The following TASP1 variants were observed in gnomAD, a reference collection of about 807,000 sequenced individuals.
TASP1 encodes the protein taspase 1, also known as threonine aspartase 1.
A neutral mutation model predicts 56.6 loss-of-function variants in TASP1; 16 were observed. The observed-to-expected ratio is 0.28, with a 90% CI of 0.19 to 0.43. The LOEUF (loss-of-function observed/expected upper bound fraction) is 0.43, where lower values mean the gene tolerates loss of function less well. Among genes scored for constraint, TASP1 ranks in the 20% least tolerant of loss-of-function variants. The pLI is 1.00. For missense variants in TASP1, 393 were observed against 511.6 expected, an observed-to-expected ratio of 0.77 and a Z score of 2.24; for synonymous variants, 179 against 184.2, an observed-to-expected ratio of 0.97 and a Z score of 0.23.
intron 12 of TASP1, among the ~76,000 whole-genome samples, chr20:13,423,018 ATATT>A (rs1234997724): frequency 5.3e-5 from 8 of 152,236 alleles, no homozygotes; most frequent in African/African-American, 1.7e-4. Flanking sequence ...CTATTTCTAG[ATATT>A]TATTCCACAG....
chr20:13,304,348 T>C, the TASP1 span, among the ~76,000 whole-genome samples: 1 of 152,086 alleles, frequency 6.6e-6, no homozygotes, highest in Non-Finnish European at 1.5e-5. Context: ...GGAATCAAAG[T>C]GGGCGGTCAT....
At chr20:13,291,050 C>T in the TASP1 span, among the ~76,000 whole-genome samples, 2 of 152,222 alleles carry the variant, frequency 1.3e-5, no homozygotes, top group Non-Finnish European at 2.9e-5. Context: ...TGGGGGCTTT[C>T]CTGTTGTTTT....
At chr20:13,400,771 T>C (rs1416570824) in intron 13 of TASP1, among the ~76,000 whole-genome samples, 1 of 152,226 alleles carries the variant, frequency 6.6e-6, no homozygotes, top group Non-Finnish European at 1.5e-5. Flanking sequence ...AATTAGTGAA[T>C]ACTAAAATGT....
At chr20:13,324,984 C>T in the TASP1 span, among the ~76,000 whole-genome samples, 3 of 152,200 alleles carry the variant, frequency 2.0e-5, no homozygotes, top group African/African-American at 2.4e-5. Flanking sequence ...TGTTTCTTTT[C>T]GGCTTCTTAT....
In TASP1 at chr20:13,513,861, C is replaced by A. The variant is rs146200317; in HGVS notation, c.874+14572G>T. Among the ~76,000 whole-genome samples the A allele has an allele frequency of 3.2e-4, 48 of 152,124 alleles. No homozygotes were observed. In the East Asian group the frequency reaches 8.9e-3, roughly 28 times the overall value. On this transcript the variant is annotated intron_variant, in intron 10 of 13. Coordinates refer to ENST00000337743, the MANE Select transcript of TASP1 (RefSeq NM_017714.3). Reference sequence around the variant, plus strand: ...TGATATGAAAAGCTACAAAGAAAGACCTGCTACTAAGATGAAGAATAAAAT... The same window carrying A: ...TGATATGAAAAGCTACAAAGAAAGAACTGCTACTAAGATGAAGAATAAAAT...
chr20:13,201,048 G>A, the TASP1 span, among the ~76,000 whole-genome samples: 1 of 152,192 alleles, frequency 6.6e-6, no homozygotes, highest in African/African-American at 2.4e-5. Flanking sequence ...CTGAATGACA[G>A]TCTCCAATGC....
the TASP1 span, among the ~76,000 whole-genome samples, chr20:13,163,897 C>CT: frequency 1.3e-5 from 2 of 152,048 alleles, no homozygotes; most frequent in East Asian, 1.9e-4. Flanking sequence ...TGAAAATGAC[C>CT]TTTTTTTTAT....
At chr20:13,311,588 G>A in the TASP1 span, among the ~76,000 whole-genome samples, 12 of 152,312 alleles carry the variant, frequency 7.9e-5, no homozygotes, top group East Asian at 2.3e-3. Flanking sequence ...TTCACATTAT[G>A]AGATGCTAGT....
chr20:13,582,174 A>G (rs2047151427), intron 5 of TASP1, among the ~76,000 whole-genome samples: 1 of 151,816 alleles, frequency 6.6e-6, no homozygotes, highest in South Asian at 2.1e-4. Context: ...CTAGTTCTTA[A>G]AACAATATAG....
chr20:13,221,820 TG>T, the TASP1 span: 1 of 1,458,718 alleles, frequency 6.9e-7, no homozygotes, highest in Non-Finnish European at 9.0e-7. Flanking sequence ...CTGGGGCTGC[TG>T]CTGCTCACGC....
At chr20:13,613,388 G>C in intron 4 of TASP1, among the ~76,000 whole-genome samples, 1 of 152,076 alleles carries the variant, frequency 6.6e-6, no homozygotes, top group Non-Finnish European at 1.5e-5. Context: ...ATGTGAATAT[G>C]AACGTGTTGT....
At chr20:13,395,789 C>T (rs1399531210) in intron 13 of TASP1, among the ~76,000 whole-genome samples, 1 of 151,772 alleles carries the variant, frequency 6.6e-6, no homozygotes, top group African/African-American at 2.4e-5. Flanking sequence ...GCAACCTCCA[C>T]CCACCAGGTT....
At chr20:13,274,674 C>G in the TASP1 span, among the ~76,000 whole-genome samples, 5 of 151,834 alleles carry the variant, frequency 3.3e-5, no homozygotes, top group Non-Finnish European at 5.9e-5. Context: ...CTCCCCGCCC[C>G]CCCCGCGCCC....
chr20:13,479,167 G>T (rs2043045790), intron 11 of TASP1, among the ~76,000 whole-genome samples: 1 of 152,092 alleles, frequency 6.6e-6, no homozygotes, highest in Non-Finnish European at 1.5e-5. Context: ...GGAGAAATGA[G>T]ACTCAGAATG....
chr20:13,583,161 C>T (rs1221665158), intron 5 of TASP1, among the ~76,000 whole-genome samples: 1 of 152,194 alleles, frequency 6.6e-6, no homozygotes, highest in Non-Finnish European at 1.5e-5. Context: ...AGCAAGTGTT[C>T]CACGGGGTGC....
the TASP1 span, among the ~76,000 whole-genome samples, chr20:13,347,841 C>CA: frequency 0.036 from 3,697 of 101,680 alleles, 37 homozygotes; most frequent in Non-Finnish European, 0.044. Flanking sequence ...GACTTTGTCT[C>CA]AAAAAAAAAA....
the TASP1 span, among the ~76,000 whole-genome samples, chr20:13,361,885 T>C: frequency 3.6e-4 from 55 of 152,290 alleles, no homozygotes; most frequent in South Asian, 2.1e-3. Context: ...TTAGGCATTC[T>C]CTAATCAGAT....
the TASP1 span, among the ~76,000 whole-genome samples, chr20:13,338,714 C>T: frequency 6.8e-6 from 1 of 147,374 alleles, no homozygotes; most frequent in African/African-American, 2.4e-5. Flanking sequence ...CTTGGACTTG[C>T]TTGAATTTAC....
At chr20:13,166,392 GC>G in the TASP1 span, 3 of 152,302 alleles carry the variant, frequency 2.0e-5, no homozygotes, top group Non-Finnish European at 2.9e-5. Flanking sequence ...CCAAGTGGGT[GC>G]ATTGGTTTAA....
Sources: gnomAD v4.1 joint callset for allele counts (sites outside exome capture counted in the v4.1 genomes callset) on GRCh38, gnomAD v4.1.1 for gene constraint, MANE v1.5 for transcripts, NCBI Gene and HGNC (gene_info 2026-07-23, HGNC 2026-07-21) for gene names.